The following NAAA variants were observed in gnomAD, a reference collection of about 807,000 sequenced individuals.
NAAA encodes the protein N-acylethanolamine acid amidase.
Under a neutral mutation model 44.8 loss-of-function variants are expected in NAAA, and 39 were observed. The ratio of observed to expected loss-of-function variants is 0.87; its 90% confidence interval spans 0.67 to 1.14. The LOEUF is 1.14. NAAA is among the 50% of genes most tolerant of loss of function. The pLI, the probability that NAAA is intolerant of heterozygous loss-of-function variation, is 0.00. For synonymous variants in NAAA, 178 were observed against 191.3 expected, an observed-to-expected ratio of 0.93 and a Z score of 0.58; for missense variants, 460 against 467.8, an observed-to-expected ratio of 0.98 and a Z score of 0.15.
At chr4:75,917,032 G>A (rs1009554527) in intron 9 of NAAA, 9 of 786,896 alleles carry the variant, frequency 1.1e-5, no homozygotes, top group Non-Finnish European at 1.4e-5. Context: ...CACCCGCCTC[G>A]GCTTCCAAAG....
At chr4:75,925,075 TC>T (rs1726538138) in intron 5 of NAAA, among the ~76,000 whole-genome samples, 2 of 151,896 alleles carry the variant, frequency 1.3e-5, no homozygotes, top group Non-Finnish European at 2.9e-5. Flanking sequence ...CAATGCAAGC[TC>T]CGCCTCCCAG....
intron 9 of NAAA, chr4:75,917,923 A>G (rs1725783067): frequency 2.4e-5 from 6 of 246,240 alleles, no homozygotes; most frequent in South Asian, 2.1e-4. Context: ...CAGTGGAACA[A>G]GGAACAGCTT....
At chr4:75,928,299 G>A (rs190389793) in intron 4 of NAAA, among the ~76,000 whole-genome samples, 32 of 152,296 alleles carry the variant, frequency 2.1e-4, no homozygotes, top group African/African-American at 6.0e-4. Flanking sequence ...GGAATTATAA[G>A]AAAGTAAAAA....
chr4:75,931,286 T>C lies in NAAA; in HGVS notation c.517A>G (p.Thr173Ala). Residue 173 changes from threonine to alanine, a missense_variant, in exon 4 of 11, where the codon ACT (threonine) becomes GCT (alanine). Coordinates refer to ENST00000286733, the MANE Select transcript of NAAA (RefSeq NM_014435.4). ...CATAATCCTACATAGCCAATAAAAG[T>C]AGTTCCTGTGAATGCAATCTGAAAT... Reference protein sequence around the residue: ...KNGQIAFTGTTFIGYVGLWTG... With the variant: ...KNGQIAFTGTAFIGYVGLWTG... 1 of 1,611,120 alleles carries C rather than the reference T, an allele frequency of 6.2e-7. No individual in the cohort carries two copies. Among genetic ancestry groups the C allele is most frequent in the Non-Finnish European group, 8.5e-7 (1 of 1,177,668 alleles).
chr4:75,923,905 A>G (rs1040748001), intron 5 of NAAA, among the ~76,000 whole-genome samples: 3 of 152,184 alleles, frequency 2.0e-5, no homozygotes, highest in Non-Finnish European at 2.9e-5. Context: ...AGCCAGGTAG[A>G]GAATCCATCA....
At chr4:75,935,877 A>G (rs1727660453) in intron 3 of NAAA, 3 of 587,850 alleles carry the variant, frequency 5.1e-6, no homozygotes, top group Admixed American at 3.3e-5. Flanking sequence ...AGATTTCCCT[A>G]TGGAAAACTG....
chr4:75,916,778 CTTTTTTTTTTTTTTTT>C (rs35739236), intron 9 of NAAA, among the ~76,000 whole-genome samples: 1 of 76,938 alleles, frequency 1.3e-5, no homozygotes, highest in African/African-American at 4.7e-5. Context: ...TTCATCACTT[CTTTTTTTTTTTTTTTT>C]TTTTTTTTTT....
rs1045469734 is a variant in NAAA, at chr4:75,932,658, T to C, written c.499-1354A>G. 2.6e-5 allele frequency among the ~76,000 whole-genome samples: 4 copies of C among 151,846 alleles called. No homozygotes were observed. The East Asian group carries it at 5.8e-4, about 22-fold the overall frequency. ...CCACCAAACCTGACTGATATATAAATATATACAAAATTTTTTTTTGCTTTT... is the reference window on the plus strand; with the variant it reads ...CCACCAAACCTGACTGATATATAAACATATACAAAATTTTTTTTTGCTTTT... On this transcript the variant is annotated intron_variant, in intron 3 of 10. Coordinates refer to ENST00000286733, the MANE Select transcript of NAAA (RefSeq NM_014435.4).
At position 75,921,117 on chromosome 4, in the gene NAAA, T is replaced by G; in HGVS notation, c.673A>C (p.Ser225Arg). The G allele has an allele frequency of 6.3e-7, 1 of 1,578,270 alleles. No individual in the cohort carries two copies. The change falls in exon 6 of 11, where the codon AGT becomes CGT. Residue 225 changes from serine (S) to arginine (R), a missense_variant. By Grantham distance (110) the Ser-to-Arg change is moderately radical (BLOSUM62 -1). Transcript: ENST00000286733. ...GCTGCTTCGAAGTTTTCCGACTCACTCAGGGTCTGAACGAAAGGATGAACT... is the reference window on the plus strand; with the variant it reads ...GCTGCTTCGAAGTTTTCCGACTCACGCAGGGTCTGAACGAAAGGATGAACT... ...PVSWLIRATL[S>R]ESENFEAAVG...
chr4:75,914,422 T>A, intron 10 of NAAA, 84 bp from the exon 11 acceptor site: 1 of 530,112 alleles, frequency 1.9e-6, no homozygotes, highest in Non-Finnish European at 2.4e-6. Context: ...TTTCCCAGGC[T>A]GGAGTGCAGT....
intron 3 of NAAA, 89 bp downstream of exon 3, chr4:75,936,020 C>T: frequency 6.7e-7 from 1 of 1,502,802 alleles, no homozygotes; most frequent in South Asian, 1.1e-5. Context: ...ACACTGATAA[C>T]ACACTTAAGT....
chr4:75,933,342 T>C (rs1447480706), intron 3 of NAAA, among the ~76,000 whole-genome samples: 1 of 152,126 alleles, frequency 6.6e-6, no homozygotes, highest in Non-Finnish European at 1.5e-5. Flanking sequence ...CAAGGGAGAA[T>C]GCAGTGTCCT....
intron 8 of NAAA, chr4:75,919,345 CTTT>C (rs1725928576): frequency 6.6e-6 from 1 of 151,858 alleles, no homozygotes; most frequent in Non-Finnish European, 1.5e-5. Context: ...TCCGGCCTGA[CTTT>C]TTAATTCTTT....
At position 75,930,399 on chromosome 4, in the gene NAAA, T is replaced by C. The variant is rs148548815; in HGVS notation, c.589+815A>G. On this transcript the variant is annotated intron_variant, in intron 4 of 10. Transcript: ENST00000286733. ...TTCCTCTCCCACTACTAGCTGTCAT[T>C]TCATCTCACAGCCTATTTCTTTCTC... The C allele has an allele frequency of 9.2e-4, 457 of 497,132 alleles. 3 individuals are homozygous for C. The highest frequency in any genetic ancestry group is 7.9e-3 in the African/African-American group (407 of 51,282). The allele number at this position is 497,132 out of a possible 1,614,324, so 30.8% of individuals were successfully genotyped here.
At chr4:75,937,359 C>A (rs1227338626) in intron 2 of NAAA, among the ~76,000 whole-genome samples, 1 of 152,146 alleles carries the variant, frequency 6.6e-6, no homozygotes, top group Non-Finnish European at 1.5e-5. Flanking sequence ...GCGGAGGTTG[C>A]GATGAGCCAA....
chr4:75,930,700 C>T (rs1242090889), intron 4 of NAAA, among the ~76,000 whole-genome samples: 1 of 152,198 alleles, frequency 6.6e-6, no homozygotes, highest in Non-Finnish European at 1.5e-5. Context: ...TACAATCCCC[C>T]TACAGCTTCC....
At chr4:75,922,065 C>T (rs1170105377) in intron 5 of NAAA, among the ~76,000 whole-genome samples, 2 of 152,166 alleles carry the variant, frequency 1.3e-5, no homozygotes, top group African/African-American at 4.8e-5. Context: ...TGTATGCTCA[C>T]CCATCCTGGA....
At chr4:75,931,373 C>T (rs907897228) in intron 3 of NAAA, 69 bp from the exon 4 acceptor site, 6 of 1,197,370 alleles carry the variant, frequency 5.0e-6, no homozygotes, top group African/African-American at 1.5e-5. Context: ...CCTGTTCTGC[C>T]CCACAATTTT....
chr4:75,939,831 C>G (rs1728070427), intron 2 of NAAA, 170 bp downstream of exon 2: 2 of 679,346 alleles, frequency 2.9e-6, no homozygotes, highest in Non-Finnish European at 4.9e-6. Context: ...TCGAAGCCTA[C>G]GATGTGCAGC....
Sources: gnomAD v4.1 joint callset for allele counts (sites outside exome capture counted in the v4.1 genomes callset) on GRCh38, gnomAD v4.1.1 for gene constraint, MANE v1.5 for transcripts, NCBI Gene and HGNC (gene_info 2026-07-23, HGNC 2026-07-21) for gene names.